The following ACTN4 variants were observed in gnomAD, a reference collection of about 807,000 sequenced individuals.
ACTN4 encodes the protein alpha-actinin-4.
ACTN4 carries 18 observed loss-of-function variants against 114.2 expected under a neutral mutation model. The observed-to-expected ratio is 0.16, with a 90% CI of 0.11 to 0.23. ACTN4 has a LOEUF of 0.23. Among genes scored for constraint, ACTN4 ranks in the 10% least tolerant of loss-of-function variants. The pLI is 1.00. For missense variants in ACTN4, 722 were observed against 1,262.9 expected, an observed-to-expected ratio of 0.57 and a Z score of 6.49; for synonymous variants, 515 against 506.3, an observed-to-expected ratio of 1.02 and a Z score of -0.23.
intron 1 of ACTN4, among the ~76,000 whole-genome samples, chr19:38,697,000 A>C (rs1471424782): frequency 6.6e-6 from 1 of 151,724 alleles, no homozygotes; most frequent in Non-Finnish European, 1.5e-5. Flanking sequence ...CCCTATCTTA[A>C]CCTCTCGGTT....
intron 1 of ACTN4, among the ~76,000 whole-genome samples, chr19:38,656,673 A>G (rs1451004452): frequency 2.0e-5 from 3 of 152,228 alleles, no homozygotes; most frequent in Admixed American, 6.5e-5. Flanking sequence ...TGGTGTTGCA[A>G]TGATTGAATG....
intron 1 of ACTN4, among the ~76,000 whole-genome samples, chr19:38,672,557 A>G (rs73032697): frequency 0.15 from 22,732 of 150,376 alleles, 2,003 homozygotes; most frequent in Middle Eastern, 0.38. Context: ...CTATTATTTG[A>G]TCTATGTTCT....
intron 8 of ACTN4, chr19:38,711,476 C>T (rs1202952149): frequency 2.4e-6 from 1 of 408,922 alleles, no homozygotes; most frequent in Non-Finnish European, 3.3e-6. Context: ...TGGGCCGCCA[C>T]ACCACACAGA....
chr19:38,710,991 AT>A (rs1302331636), intron 8 of ACTN4: 2 of 160,356 alleles, frequency 1.2e-5, no homozygotes, highest in Admixed American at 1.2e-4. Context: ...GCTCACTCAC[AT>A]TTTCAGACAG....
At chr19:38,669,141 C>G (rs541557873) in intron 1 of ACTN4, among the ~76,000 whole-genome samples, 1 of 152,154 alleles carries the variant, frequency 6.6e-6, no homozygotes. Context: ...CGCCTGCCAC[C>G]GTGCCCAGCT....
intron 1 of ACTN4, among the ~76,000 whole-genome samples, chr19:38,674,348 T>A (rs114284284): frequency 0.014 from 2,149 of 152,270 alleles, 57 homozygotes; most frequent in African/African-American, 0.048. Context: ...GCAGCCAGAA[T>A]GTGCCGGTAG....
At chr19:38,699,014 C>T (rs1474243389) in intron 1 of ACTN4, among the ~76,000 whole-genome samples, 1 of 152,208 alleles carries the variant, frequency 6.6e-6, no homozygotes, top group East Asian at 1.9e-4. Context: ...GTGTCCCTGG[C>T]TGTCTGCTTG....
At chr19:38,673,665 TA>T (rs1177004337) in intron 1 of ACTN4, among the ~76,000 whole-genome samples, 36 of 29,228 alleles carry the variant, frequency 1.2e-3, no homozygotes, top group Non-Finnish European at 1.7e-3. Flanking sequence ...TTATATATAT[TA>T]TATATATTTA....
At chr19:38,659,437 G>A (rs1976813981) in intron 1 of ACTN4, among the ~76,000 whole-genome samples, 1 of 152,272 alleles carries the variant, frequency 6.6e-6, no homozygotes, top group Non-Finnish European at 1.5e-5. Context: ...AGCCAATTGA[G>A]GGATGATTGG....
In ACTN4 at chr19:38,729,983, C is replaced by T. The variant is rs186792035; in HGVS notation, c.*551C>T. 9 of 317,810 alleles carry T rather than the reference C, an allele frequency of 2.8e-5. No homozygotes were observed. In the Admixed American group the frequency reaches 3.3e-4, roughly 12 times the overall value. The allele number at this position is 317,810 out of a possible 1,614,324, so 19.7% of individuals were successfully genotyped here. On this transcript the variant is annotated 3_prime_UTR_variant, in exon 21 of 21. Transcript: ENST00000252699. ...GGCCCCAACAAGCACCCCGCTTTTGCAGCAGAGGAGCTGAGTTGGCAGACC... is the reference window on the plus strand; with the variant it reads ...GGCCCCAACAAGCACCCCGCTTTTGTAGCAGAGGAGCTGAGTTGGCAGACC...
At chr19:38,683,135 C>G (rs1858192436) in intron 1 of ACTN4, among the ~76,000 whole-genome samples, 1 of 152,172 alleles carries the variant, frequency 6.6e-6, no homozygotes, top group Non-Finnish European at 1.5e-5. Flanking sequence ...GAGTCTCCCC[C>G]TTGTTGGGGG....
At chr19:38,655,415 A>G (rs983350670) in intron 1 of ACTN4, among the ~76,000 whole-genome samples, 1 of 152,228 alleles carries the variant, frequency 6.6e-6, no homozygotes. Flanking sequence ...TCAGGTTTAC[A>G]AGAGAATCAA....
chr19:38,682,235 C>G (rs1336582980), intron 1 of ACTN4, among the ~76,000 whole-genome samples: 1 of 152,046 alleles, frequency 6.6e-6, no homozygotes, highest in East Asian at 1.9e-4. Flanking sequence ...AAGATGGGAT[C>G]TTGCATCTTG....
chr19:38,702,237 T>C lies in ACTN4; in HGVS notation c.397+1116T>C, dbSNP rs181925669. On this transcript the variant is annotated intron_variant, in intron 3 of 20. Coordinates refer to ENST00000252699, the MANE Select transcript of ACTN4 (RefSeq NM_004924.6). ...TTTTCATTTGGAGAAAAACTTGGTCTAAAAATGTTCTCTGTTCATGCCCAA... is the reference window on the plus strand; with the variant it reads ...TTTTCATTTGGAGAAAAACTTGGTCCAAAAATGTTCTCTGTTCATGCCCAA... Among the ~76,000 whole-genome samples, 9 of 152,348 alleles carry C rather than the reference T, an allele frequency of 5.9e-5. No homozygotes were observed. The East Asian group carries it at 9.6e-4, about 16-fold the overall frequency.
At chr19:38,673,369 A>AT (rs1761785966) in intron 1 of ACTN4, among the ~76,000 whole-genome samples, 2 of 148,900 alleles carry the variant, frequency 1.3e-5, no homozygotes, top group Non-Finnish European at 3.0e-5. Flanking sequence ...GTCGGGGACA[A>AT]TAGGCATTAA....
chr19:38,699,154 C>T (rs1230324737), intron 1 of ACTN4, among the ~76,000 whole-genome samples: 6 of 152,150 alleles, frequency 3.9e-5, no homozygotes, highest in African/African-American at 7.2e-5. Context: ...GGCGCCTGGG[C>T]GTGTTGGTGT....
chr19:38,658,926 G>T (rs1333324987), intron 1 of ACTN4, among the ~76,000 whole-genome samples: 4 of 152,058 alleles, frequency 2.6e-5, no homozygotes, highest in Non-Finnish European at 5.9e-5. Flanking sequence ...TTTCAAGAAT[G>T]TCGGCTATAA....
chr19:38,725,942 T>C, intron 17 of ACTN4, 39 bp downstream of exon 17: 4 of 1,610,786 alleles, frequency 2.5e-6, no homozygotes, highest in Non-Finnish European at 3.4e-6. Flanking sequence ...TCCACCAGCA[T>C]GGCCGGCTTC....
At chr19:38,695,894 GAC>G (rs1968076367) in intron 1 of ACTN4, among the ~76,000 whole-genome samples, 1 of 152,006 alleles carries the variant, frequency 6.6e-6, no homozygotes, top group African/African-American at 2.4e-5. Flanking sequence ...CAGGGGAGGT[GAC>G]ACAAACTCGG....
Sources: allele counts gnomAD v4.1 joint callset (sites outside exome capture counted in the v4.1 genomes callset), GRCh38; gene constraint gnomAD v4.1.1; transcripts MANE v1.5; gene names NCBI Gene and HGNC (gene_info 2026-07-23, HGNC 2026-07-21).